SPIDR: variants seen among roughly 807,000 people sequenced by gnomAD.
SPIDR encodes the protein scaffold protein involved in DNA repair.
Under a neutral mutation model 104.6 loss-of-function variants are expected in SPIDR, and 93 were observed. The observed-to-expected ratio is 0.89, with a 90% CI of 0.75 to 1.06. SPIDR has a LOEUF of 1.06. Ranked by LOEUF, SPIDR falls within the 50% of genes least tolerant of loss-of-function variation. SPIDR has a pLI of 0.00. For synonymous variants in SPIDR, 431 were observed against 416.9 expected (o/e 1.03, Z -0.41); for missense variants, 1,154 against 1,111.2 (o/e 1.04, Z -0.55).
intron 14 of SPIDR, among the ~76,000 whole-genome samples, chr8:47,712,241 T>C (rs1416384181): frequency 6.6e-6 from 1 of 152,200 alleles, no homozygotes; most frequent in Non-Finnish European, 1.5e-5. Flanking sequence ...CAAGGCCCTG[T>C]ACAAAGTCTG....
At chr8:47,549,921 C>A (rs2090160887) in intron 8 of SPIDR, among the ~76,000 whole-genome samples, 1 of 152,130 alleles carries the variant, frequency 6.6e-6, no homozygotes, top group Non-Finnish European at 1.5e-5. Context: ...AGTCTTTAAT[C>A]CATCTTGAAT....
At chr8:47,362,626 ACTCATATATGGTGTT>A (rs1378150458) in intron 5 of SPIDR, among the ~76,000 whole-genome samples, 2 of 152,116 alleles carry the variant, frequency 1.3e-5, no homozygotes, top group African/African-American at 4.8e-5. Flanking sequence ...AGGAATGAAC[ACTCATATATGGTGTT>A]TTTTGTTGGT....
intron 16 of SPIDR, among the ~76,000 whole-genome samples, chr8:47,723,444 T>TC (rs1563668268): frequency 1.3e-5 from 2 of 148,156 alleles, no homozygotes; most frequent in African/African-American, 2.5e-5. Context: ...TTTTTTTTTT[T>TC]CTGGAGAAGG....
intron 5 of SPIDR, among the ~76,000 whole-genome samples, chr8:47,300,387 C>A (rs1203926197): frequency 2.0e-5 from 3 of 152,054 alleles, no homozygotes; most frequent in Non-Finnish European, 4.4e-5. Context: ...TTTTGTTGAT[C>A]TTTTCAAAAA....
At position 47,598,926 on chromosome 8, in the gene SPIDR, C is replaced by A; in HGVS notation, c.1294-20C>A. The A allele has an allele frequency of 6.2e-7, 1 of 1,612,524 alleles. No homozygotes were observed. The highest frequency in any genetic ancestry group is 1.1e-5 in the South Asian group (1 of 90,996). ...AACTTTGTGAGTCTTGAAACTGTTC[C>A]CTTTATGTGTCTTGGCCAGGTTGTG... On this transcript the variant is annotated intron_variant, in intron 9 of 19. Coordinates refer to ENST00000297423, the MANE Select transcript of SPIDR (RefSeq NM_001080394.4).
At chr8:47,371,035 G>C (rs2154295067) in intron 5 of SPIDR, among the ~76,000 whole-genome samples, 1 of 151,654 alleles carries the variant, frequency 6.6e-6, no homozygotes, top group Admixed American at 6.6e-5. Flanking sequence ...ACCTACACAA[G>C]GTAGAATCCA....
intron 11 of SPIDR, among the ~76,000 whole-genome samples, chr8:47,699,032 A>G (rs952513715): frequency 6.6e-6 from 1 of 152,210 alleles, no homozygotes; most frequent in African/African-American, 2.4e-5. Context: ...CTGTATAAAG[A>G]AATTTTTTTT....
At chr8:47,359,651 C>T (rs998336584) in intron 5 of SPIDR, among the ~76,000 whole-genome samples, 1 of 151,976 alleles carries the variant, frequency 6.6e-6, no homozygotes, top group Non-Finnish European at 1.5e-5. Flanking sequence ...AGCATTGTGC[C>T]CTATAGAGTT....
chr8:47,691,719 A>G (rs529481898), intron 11 of SPIDR, among the ~76,000 whole-genome samples: 1 of 152,318 alleles, frequency 6.6e-6, no homozygotes, highest in Admixed American at 6.5e-5. Flanking sequence ...TGTCCTCTGA[A>G]GAGCCACAGT....
chr8:47,382,859 T>C (rs551039170), intron 5 of SPIDR, among the ~76,000 whole-genome samples: 2 of 152,312 alleles, frequency 1.3e-5, no homozygotes, highest in South Asian at 4.1e-4. Flanking sequence ...TTCCCCCCAT[T>C]GCATACATTA....
At chr8:47,488,146 A>G (rs1346705196) in intron 8 of SPIDR, among the ~76,000 whole-genome samples, 4 of 152,310 alleles carry the variant, frequency 2.6e-5, no homozygotes, top group Non-Finnish European at 4.4e-5. Flanking sequence ...TCAGATAGAC[A>G]CAATAAAAAA....
chr8:47,298,700 T>G (rs1272936673), intron 5 of SPIDR, among the ~76,000 whole-genome samples: 31 of 152,262 alleles, frequency 2.0e-4, no homozygotes, highest in Non-Finnish European at 3.8e-4. Context: ...GCACCATTTG[T>G]AAAATAGGGA....
chr8:47,530,604 TGG>T (rs2085810114), intron 8 of SPIDR, among the ~76,000 whole-genome samples: 1 of 152,178 alleles, frequency 6.6e-6, no homozygotes, highest in Admixed American at 6.5e-5. Flanking sequence ...GAAGTTGTTC[TGG>T]GGTCAGGGGC....
intron 5 of SPIDR, among the ~76,000 whole-genome samples, chr8:47,354,076 A>G (rs2054059245): frequency 6.6e-6 from 1 of 152,130 alleles, no homozygotes; most frequent in Admixed American, 6.6e-5. Context: ...AGCTCTCCTA[A>G]CCATACCAGA....
intron 1 of SPIDR, among the ~76,000 whole-genome samples, chr8:47,273,889 C>T (rs2035834530): frequency 6.6e-6 from 1 of 152,142 alleles, no homozygotes; most frequent in African/African-American, 2.4e-5. Context: ...ATGGTTCTGG[C>T]TGTTAAAGTG....
chr8:47,408,170 A>G (rs1036890332), intron 7 of SPIDR, among the ~76,000 whole-genome samples: 5 of 152,224 alleles, frequency 3.3e-5, no homozygotes, highest in African/African-American at 7.2e-5. Flanking sequence ...TTATGAAAAC[A>G]TCACCACAAT....
In SPIDR at chr8:47,287,347, A is replaced by G. The variant is rs1037896480; in HGVS notation, c.256+3253A>G. Among the ~76,000 whole-genome samples, 10 of 152,330 alleles carry G rather than the reference A, an allele frequency of 6.6e-5. No individual in the cohort carries two copies. In the South Asian group the frequency reaches 8.3e-4, roughly 13 times the overall value. The stretch of plus-strand genomic sequence containing the variant: ...GATAAGGGTCTATGTTCAGCTGTGC[A>G]CATATTGTCTTGATAAACATCTTAA... On this transcript the variant is annotated intron_variant, in intron 3 of 19. Transcript: ENST00000297423.
intron 11 of SPIDR, among the ~76,000 whole-genome samples, chr8:47,677,764 G>A (rs1318846259): frequency 4.6e-5 from 7 of 152,154 alleles, no homozygotes; most frequent in Admixed American, 2.6e-4. Context: ...ATCTCAGAAG[G>A]TTTCATGAAA....
At chr8:47,569,002 G>A (rs1433256637) in intron 8 of SPIDR, among the ~76,000 whole-genome samples, 2 of 152,096 alleles carry the variant, frequency 1.3e-5, no homozygotes, top group Non-Finnish European at 2.9e-5. Flanking sequence ...TAAAAAAACA[G>A]GATTCATCTA....
Sources: allele counts gnomAD v4.1 joint callset (sites outside exome capture counted in the v4.1 genomes callset), GRCh38; gene constraint gnomAD v4.1.1; transcripts MANE v1.5; gene names NCBI Gene and HGNC (gene_info 2026-07-23, HGNC 2026-07-21).